Variants in TNN observed in about 807,000 individuals in gnomAD.
TNN encodes the protein tenascin-N.
Under a neutral mutation model 134.4 loss-of-function variants are expected in TNN, and 122 were observed. The observed-to-expected ratio is 0.91, with a 90% confidence interval of 0.78 to 1.06. TNN has a LOEUF of 1.06. Among genes scored for constraint, TNN ranks in the 50% least tolerant of loss-of-function variants. The pLI, the probability that TNN is intolerant of heterozygous loss-of-function variation, is 0.00. For synonymous variants in TNN, 710 were observed against 670.3 expected (o/e 1.06, Z -0.91); for missense variants, 1,739 against 1,699.4 (o/e 1.02, Z -0.41).
chr1:175,136,165 T>C (rs1675805361), intron 16 of TNN, among the ~76,000 whole-genome samples: 1 of 152,118 alleles, frequency 6.6e-6, no homozygotes, highest in African/African-American at 2.4e-5. Flanking sequence ...TTTATGCTGA[T>C]TTAAGCTCTG....
chr1:175,080,539 C>G, intron 4 of TNN, 113 bp downstream of exon 4: 2 of 1,267,284 alleles, frequency 1.6e-6, no homozygotes, highest in Non-Finnish European at 2.2e-6. Context: ...AAAAACACAC[C>G]TGCCACAATC....
intron 16 of TNN, 124 bp from the exon 17 acceptor site, chr1:175,136,697 C>T: frequency 1.2e-6 from 1 of 864,848 alleles, no homozygotes; most frequent in South Asian, 1.8e-5. Flanking sequence ...GAGACTGCCC[C>T]TTATTAGCAG....
Position 175,126,936 on chromosome 1 carries a change from C to A in TNN, c.2915-19C>A, listed in dbSNP as rs199988440. The A allele has an allele frequency of 1.3e-6, 2 of 1,596,678 alleles. No individual in the cohort carries two copies. The highest frequency in any genetic ancestry group is 1.1e-5 in the South Asian group (1 of 87,532). ...AGTTGTATCTTAGTAATAACAATTA[C>A]CTGACTTTCTACGTACAGAACTCGA... On this transcript the variant is annotated intron_variant, in intron 12 of 18. Coordinates refer to ENST00000239462, the MANE Select transcript of TNN (RefSeq NM_022093.2).
rs1484620150 is a variant in TNN, at chr1:175,128,680, G to C, written c.3264G>C (p.Leu1088=). 6.2e-7 allele frequency: 1 copy of C among 1,613,920 alleles called. No individual in the cohort carries two copies. The highest frequency in any genetic ancestry group is 1.3e-5 in the African/African-American group (1 of 74,924). ...NAASGLYTIY[L]HGDASRPLQV... ...CCAGTGGTCTGTACACCATCTACCT[G>C]CATGGCGATGCCAGCCGGCCCCTGC... The change falls in exon 15 of 19, where the codon CTG becomes CTC. Residue 1088 remains leucine, a synonymous_variant. Coordinates refer to ENST00000239462, the MANE Select transcript of TNN (RefSeq NM_022093.2).
At chr1:175,080,928 A>G (rs1038282747) in intron 4 of TNN, among the ~76,000 whole-genome samples, 5 of 152,190 alleles carry the variant, frequency 3.3e-5, no homozygotes, top group Admixed American at 6.5e-5. Context: ...CTGCATCAAT[A>G]AGGATACTCT....
intron 18 of TNN, among the ~76,000 whole-genome samples, chr1:175,145,542 G>A (rs1676041623): frequency 3.5e-5 from 1 of 28,960 alleles, no homozygotes; most frequent in Non-Finnish European, 7.1e-5. Flanking sequence ...GGCAGAGCAA[G>A]ACCCTGTCTC....
At chr1:175,092,042 A>G (rs932239170) in intron 6 of TNN, among the ~76,000 whole-genome samples, 1 of 152,112 alleles carries the variant, frequency 6.6e-6, no homozygotes, top group African/African-American at 2.4e-5. Flanking sequence ...ACAGATGTGG[A>G]TGCTTTTGAG....
intron 1 of TNN, among the ~76,000 whole-genome samples, chr1:175,068,591 A>G (rs946273952): frequency 2.6e-5 from 4 of 152,196 alleles, no homozygotes; most frequent in African/African-American, 7.2e-5. Flanking sequence ...CCTCAAAGAA[A>G]ACATTTCAAG....
chr1:175,140,982 C>T (rs1478842516), intron 17 of TNN, among the ~76,000 whole-genome samples: 2 of 152,194 alleles, frequency 1.3e-5, no homozygotes, highest in African/African-American at 4.8e-5. Flanking sequence ...CCAGCTCTCC[C>T]CAGCCTCTAT....
intron 12 of TNN, among the ~76,000 whole-genome samples, chr1:175,125,555 T>C (rs528838279): frequency 6.2e-5 from 9 of 145,228 alleles, no homozygotes; most frequent in African/African-American, 2.2e-4. Flanking sequence ...ACCTCTTCCT[T>C]TCTTCTCTTT....
chr1:175,130,760 A>C (rs1163842288), intron 15 of TNN, among the ~76,000 whole-genome samples: 7 of 152,146 alleles, frequency 4.6e-5, no homozygotes, highest in Non-Finnish European at 5.9e-5. Context: ...GAACCAAACC[A>C]ACAGAAATCC....
chr1:175,093,508 T>G (rs1275143019), intron 6 of TNN, among the ~76,000 whole-genome samples: 3 of 152,182 alleles, frequency 2.0e-5, no homozygotes, highest in South Asian at 2.1e-4. Context: ...TTTGGAGATT[T>G]GTATTTGAAA....
At chr1:175,126,664 G>A (rs1336400727) in intron 12 of TNN, among the ~76,000 whole-genome samples, 1 of 152,024 alleles carries the variant, frequency 6.6e-6, no homozygotes, top group Non-Finnish European at 1.5e-5. Flanking sequence ...GCCAATCTAG[G>A]CTGTTAATAT....
chr1:175,146,489 C>T (rs1403861914), intron 18 of TNN, among the ~76,000 whole-genome samples: 1 of 152,168 alleles, frequency 6.6e-6, no homozygotes, highest in Non-Finnish European at 1.5e-5. Flanking sequence ...AATATCTAAA[C>T]AGTCTAAATT....
At chr1:175,098,651 G>C in intron 9 of TNN, 56 bp downstream of exon 9, 1 of 1,607,504 alleles carries the variant, frequency 6.2e-7, no homozygotes, top group South Asian at 1.1e-5. Context: ...TGTCTACATG[G>C]GGTTTTCTTC....
At chr1:175,074,319 C>CA (rs1328883225) in intron 1 of TNN, among the ~76,000 whole-genome samples, 10 of 151,252 alleles carry the variant, frequency 6.6e-5, no homozygotes, top group African/African-American at 1.9e-4. Flanking sequence ...CCCATCTCCA[C>CA]AAAAAAAATA....
intron 15 of TNN, among the ~76,000 whole-genome samples, chr1:175,129,742 C>T (rs1209568960): frequency 6.6e-6 from 1 of 152,042 alleles, no homozygotes; most frequent in African/African-American, 2.4e-5. Context: ...TTCAAAACTC[C>T]AGCCTCCTAA....
rs1428715457 is a variant in TNN, at chr1:175,094,120, G to A, written c.1455G>A (p.Lys485=). The change falls in exon 7 of 19, where the codon AAG becomes AAA. Residue 485 remains lysine, a synonymous_variant. Transcript: ENST00000239462. ...ACACTTCTGCTGATGGGGACACCAA[G>A]GAAATGGCAGTGCACAAGGATGAGA... ...VRYTSADGDT[K]EMAVHKDESS... is the part of the protein sequence containing the mutation. 6.2e-7 allele frequency: 1 copy of A among 1,614,100 alleles called. No homozygotes were observed. Among genetic ancestry groups the A allele is most frequent in the Non-Finnish European group, 8.5e-7 (1 of 1,180,042 alleles).
rs1348938693 is a variant in TNN at position 175,124,397 on chromosome 1, A to C, written c.2914+734A>C. Among the ~76,000 whole-genome samples the C allele has an allele frequency of 4.6e-5, 7 of 152,082 alleles. No individual in the cohort carries two copies. The East Asian group carries it at 1.2e-3, about 25-fold the overall frequency. On this transcript the variant is annotated intron_variant, in intron 12 of 18. Transcript: ENST00000239462. ...TAAAACAAAACAAAACAAAACAAAAACGGCCAGGCGCGGTGGCTCATGCCT... is the reference window on the plus strand; with the variant it reads ...TAAAACAAAACAAAACAAAACAAAACCGGCCAGGCGCGGTGGCTCATGCCT...
Sources: gnomAD v4.1 joint callset for allele counts (sites outside exome capture counted in the v4.1 genomes callset) on GRCh38, gnomAD v4.1.1 for gene constraint, MANE v1.5 for transcripts, NCBI Gene and HGNC (gene_info 2026-07-23, HGNC 2026-07-21) for gene names.